Variants in IGSF21 observed in about 807,000 individuals in gnomAD.
IGSF21 encodes immunoglobulin superfamily member 21.
IGSF21 carries 28 observed loss-of-function variants against 46.8 expected under a neutral mutation model. That is an observed-to-expected ratio of 0.60 (90% confidence interval 0.44 to 0.82). IGSF21 has a LOEUF of 0.82. Among genes scored for constraint, IGSF21 ranks in the 40% least tolerant of loss-of-function variants. The pLI is 0.00. For missense variants in IGSF21, 624 were observed against 665.5 expected, an observed-to-expected ratio of 0.94 and a Z score of 0.69; for synonymous variants, 284 against 273.6, an observed-to-expected ratio of 1.04 and a Z score of -0.38.
intron 1 of IGSF21, among the ~76,000 whole-genome samples, chr1:18,132,112 A>T (rs1419050522): frequency 6.6e-6 from 1 of 152,132 alleles, no homozygotes; most frequent in Non-Finnish European, 1.5e-5. Context: ...AATTTCTGTA[A>T]CCCTAGCACC....
intron 1 of IGSF21, among the ~76,000 whole-genome samples, chr1:18,219,154 C>T (rs1227134620): frequency 2.0e-5 from 3 of 152,170 alleles, no homozygotes; most frequent in African/African-American, 4.8e-5. Flanking sequence ...CAGTGATAAA[C>T]GTCTAAGAAG....
chr1:18,336,363 A>G (rs2085766082), intron 4 of IGSF21, among the ~76,000 whole-genome samples: 1 of 152,218 alleles, frequency 6.6e-6, no homozygotes, highest in African/African-American at 2.4e-5. Context: ...AGTGCTTTAC[A>G]TGTGTTATGT....
intron 2 of IGSF21, among the ~76,000 whole-genome samples, chr1:18,233,941 A>T (rs1386549086): frequency 6.6e-6 from 1 of 152,196 alleles, no homozygotes; most frequent in Admixed American, 6.5e-5. Flanking sequence ...AGCCCTTCAC[A>T]ATGTTTCATT....
intron 1 of IGSF21, among the ~76,000 whole-genome samples, chr1:18,150,647 C>G (rs12408479): frequency 0.092 from 14,013 of 151,994 alleles, 710 homozygotes; most frequent in Middle Eastern, 0.18. Flanking sequence ...ACATTTGACC[C>G]CTTTCTCCTC....
chr1:18,342,737 T>C (rs908128285), intron 4 of IGSF21, among the ~76,000 whole-genome samples: 4 of 152,258 alleles, frequency 2.6e-5, no homozygotes, highest in African/African-American at 9.6e-5. Flanking sequence ...GTCTTCAAGG[T>C]TCATCCATAT....
At chr1:18,276,291 G>A (rs903619211) in intron 2 of IGSF21, among the ~76,000 whole-genome samples, 2 of 152,194 alleles carry the variant, frequency 1.3e-5, no homozygotes, top group African/African-American at 4.8e-5. Context: ...CTGGTCTGCA[G>A]GGGTCAAGGC....
chr1:18,188,713 C>T (rs2086927230), intron 1 of IGSF21, among the ~76,000 whole-genome samples: 1 of 152,184 alleles, frequency 6.6e-6, no homozygotes, highest in African/African-American at 2.4e-5. Flanking sequence ...GTTAGCTCCT[C>T]TAGCTCCCAA....
intron 2 of IGSF21, among the ~76,000 whole-genome samples, chr1:18,264,110 T>C (rs1487085737): frequency 3.9e-5 from 6 of 152,224 alleles, no homozygotes; most frequent in Non-Finnish European, 7.3e-5. Flanking sequence ...GTTCTTCAAC[T>C]CATTTAAATA....
chr1:18,262,094 A>G (rs1205105977), intron 2 of IGSF21, among the ~76,000 whole-genome samples: 1 of 152,190 alleles, frequency 6.6e-6, no homozygotes, highest in Non-Finnish European at 1.5e-5. Context: ...GGCGGGACTC[A>G]AGAATTTGCA....
chr1:18,175,039 A>G (rs1332978410), intron 1 of IGSF21, among the ~76,000 whole-genome samples: 1 of 152,176 alleles, frequency 6.6e-6, no homozygotes. Flanking sequence ...GAAGTCGAGC[A>G]CTTAGTGGGT....
intron 1 of IGSF21, among the ~76,000 whole-genome samples, chr1:18,211,834 G>A (rs1356826447): frequency 1.3e-5 from 2 of 152,176 alleles, no homozygotes; most frequent in East Asian, 1.9e-4. Flanking sequence ...TTGCTCACAC[G>A]TCTCTCCTCA....
At chr1:18,343,838 C>T (rs769031301) in intron 4 of IGSF21, among the ~76,000 whole-genome samples, 3 of 152,204 alleles carry the variant, frequency 2.0e-5, no homozygotes, top group Non-Finnish European at 1.5e-5. Context: ...CTTTTCTAAC[C>T]ATCTGCCACC....
chr1:18,256,782 C>A (rs540280099), intron 2 of IGSF21, among the ~76,000 whole-genome samples: 2 of 152,164 alleles, frequency 1.3e-5, no homozygotes, highest in Non-Finnish European at 2.9e-5. Flanking sequence ...ACATCCCAGC[C>A]GCAAATAATT....
intron 2 of IGSF21, 116 bp downstream of exon 2, chr1:18,228,126 A>C: frequency 1.3e-6 from 1 of 765,032 alleles, no homozygotes; most frequent in Non-Finnish European, 2.2e-6. Flanking sequence ...CCCAGTCCTG[A>C]GTTGTCCTGG....
intron 1 of IGSF21, among the ~76,000 whole-genome samples, chr1:18,150,713 C>A (rs975790735): frequency 6.6e-6 from 1 of 152,200 alleles, no homozygotes; most frequent in African/African-American, 2.4e-5. Context: ...AGCTGAGAGC[C>A]CTGAAGTCAG....
chr1:18,196,897 G>T (rs1036917507), intron 1 of IGSF21, among the ~76,000 whole-genome samples: 1 of 152,130 alleles, frequency 6.6e-6, no homozygotes, highest in Non-Finnish European at 1.5e-5. Context: ...AGAGACAAGT[G>T]GGGGAGCCGC....
intron 1 of IGSF21, among the ~76,000 whole-genome samples, chr1:18,223,562 C>T (rs987701405): frequency 7.2e-5 from 11 of 152,216 alleles, no homozygotes; most frequent in Admixed American, 7.2e-4. Flanking sequence ...GGCATATTTA[C>T]AGGAGGGTAC....
At chr1:18,278,858 T>C (rs1409506613) in intron 2 of IGSF21, 1 of 471,592 alleles carries the variant, frequency 2.1e-6, no homozygotes, top group Non-Finnish European at 4.4e-6. Flanking sequence ...ACCCAGCCCA[T>C]GTTCACATTT....
chr1:18,341,808 A>G (rs2085844767), intron 4 of IGSF21, among the ~76,000 whole-genome samples: 1 of 152,174 alleles, frequency 6.6e-6, no homozygotes, highest in Non-Finnish European at 1.5e-5. Flanking sequence ...AAAATGTTCT[A>G]TCTTGGGATC....
Sources: gnomAD v4.1 joint callset for allele counts (sites outside exome capture counted in the v4.1 genomes callset) on GRCh38, gnomAD v4.1.1 for gene constraint, MANE v1.5 for transcripts, NCBI Gene and HGNC (gene_info 2026-07-23, HGNC 2026-07-21) for gene names.